The following MDGA2 variants were observed in gnomAD, a reference collection of about 807,000 sequenced individuals.
The protein encoded by MDGA2 is MAM domain containing glycosylphosphatidylinositol anchor 2.
A neutral mutation model predicts 117.8 loss-of-function variants in MDGA2; 40 were observed. The observed-to-expected ratio is 0.34, with a 90% confidence interval of 0.26 to 0.44. MDGA2 has a LOEUF of 0.44. Among genes scored for constraint, MDGA2 ranks in the 20% least tolerant of loss-of-function variants. MDGA2 has a pLI of 1.00. For missense variants in MDGA2, 1,123 were observed against 1,250.6 expected (o/e 0.90, Z 1.54); for synonymous variants, 452 against 439.0 (o/e 1.03, Z -0.37).
chr14:47,235,018 T>C (rs1301879582), intron 2 of MDGA2, among the ~76,000 whole-genome samples: 2 of 152,184 alleles, frequency 1.3e-5, no homozygotes, highest in Non-Finnish European at 2.9e-5. Context: ...GATCAAAATC[T>C]TCATTATCTT....
chr14:47,049,816 T>C (rs1594566591), intron 7 of MDGA2, among the ~76,000 whole-genome samples: 1 of 152,046 alleles, frequency 6.6e-6, no homozygotes, highest in Non-Finnish European at 1.5e-5. Context: ...AGAACACCTA[T>C]AAAATTTGGG....
chr14:47,537,171 T>TGTC (rs1895230226), intron 1 of MDGA2, among the ~76,000 whole-genome samples: 1 of 152,014 alleles, frequency 6.6e-6, no homozygotes, highest in African/African-American at 2.4e-5. Flanking sequence ...TTACAAATTC[T>TGTC]GCCAACTGTC....
chr14:47,127,430 C>T (rs1457217551), intron 5 of MDGA2, among the ~76,000 whole-genome samples: 1 of 152,102 alleles, frequency 6.6e-6, no homozygotes, highest in Non-Finnish European at 1.5e-5. Flanking sequence ...AATTCACAAA[C>T]CCTTCCAACT....
intron 1 of MDGA2, among the ~76,000 whole-genome samples, chr14:47,644,019 A>C (rs775013060): frequency 1.3e-5 from 2 of 152,014 alleles, no homozygotes; most frequent in Non-Finnish European, 2.9e-5. Context: ...GTTTTTCCAC[A>C]GCCAATTTGA....
At chr14:47,085,535 T>C (rs1386235490) in intron 6 of MDGA2, among the ~76,000 whole-genome samples, 1 of 152,140 alleles carries the variant, frequency 6.6e-6, no homozygotes, top group African/African-American at 2.4e-5. Context: ...ATTATATGCA[T>C]TTCTTTCCAA....
chr14:47,334,326 C>A (rs1890379088), intron 1 of MDGA2, among the ~76,000 whole-genome samples: 1 of 151,854 alleles, frequency 6.6e-6, no homozygotes, highest in Admixed American at 6.6e-5. Flanking sequence ...CGTAGGAAAT[C>A]TGCATTTTCA....
intron 9 of MDGA2, among the ~76,000 whole-genome samples, chr14:46,923,451 C>T (rs865863178): frequency 8.6e-5 from 13 of 151,872 alleles, no homozygotes; most frequent in African/African-American, 3.1e-4. Flanking sequence ...AGATCCGTTA[C>T]TTTTTTTACT....
At chr14:47,509,831 T>C (rs985840882) in intron 1 of MDGA2, among the ~76,000 whole-genome samples, 1 of 152,354 alleles carries the variant, frequency 6.6e-6, no homozygotes, top group East Asian at 1.9e-4. Context: ...ATTTCACAGA[T>C]TCACAGCTTG....
At chr14:46,969,933 C>CATATATAT (rs1157465830) in intron 8 of MDGA2, among the ~76,000 whole-genome samples, 54 of 15,208 alleles carry the variant, frequency 3.6e-3, no homozygotes, top group Non-Finnish European at 4.3e-3. Flanking sequence ...TAAAGTATTC[C>CATATATAT]ATATATATAT....
intron 1 of MDGA2, among the ~76,000 whole-genome samples, chr14:47,442,883 T>C (rs1422200334): frequency 1.3e-5 from 2 of 152,184 alleles, no homozygotes; most frequent in Non-Finnish European, 2.9e-5. Flanking sequence ...AATCTTGCAC[T>C]GGAATATGAA....
chr14:47,265,936 G>A (rs1571105), intron 2 of MDGA2, among the ~76,000 whole-genome samples: 129,517 of 152,126 alleles, frequency 0.85, 55,331 homozygotes, highest in East Asian at 0.93. Context: ...CATAATCTCT[G>A]GCCTCCACAA....
intron 1 of MDGA2, among the ~76,000 whole-genome samples, chr14:47,544,312 T>C (rs970252100): frequency 1.3e-5 from 2 of 152,190 alleles, no homozygotes; most frequent in Non-Finnish European, 2.9e-5. Flanking sequence ...TAAGGTAAAA[T>C]ATACAATTTT....
chr14:47,447,471 CTG>C (rs1358028838), intron 1 of MDGA2, among the ~76,000 whole-genome samples: 1 of 152,106 alleles, frequency 6.6e-6, no homozygotes, highest in Non-Finnish European at 1.5e-5. Flanking sequence ...CATACTAATG[CTG>C]TGTTTTCTGT....
intron 6 of MDGA2, among the ~76,000 whole-genome samples, chr14:47,077,643 GA>G (rs954109528): frequency 1.5e-4 from 20 of 135,268 alleles, no homozygotes; most frequent in South Asian, 6.9e-4. Context: ...TGCATCTGCA[GA>G]AAAAAAAAAG....
intron 1 of MDGA2, among the ~76,000 whole-genome samples, chr14:47,651,651 A>G (rs1897647308): frequency 6.6e-6 from 1 of 152,104 alleles, no homozygotes; most frequent in Non-Finnish European, 1.5e-5. Flanking sequence ...AGGAAGGGGT[A>G]CTCACAGGGC....
chr14:47,496,125 A>G (rs1227424425), intron 1 of MDGA2, among the ~76,000 whole-genome samples: 1 of 152,134 alleles, frequency 6.6e-6, no homozygotes, highest in Non-Finnish European at 1.5e-5. Flanking sequence ...TCATATTTTT[A>G]TAATGGACCA....
In MDGA2 at chr14:47,136,195, CTCT is replaced by C. The variant is rs1387694927; in HGVS notation, c.793-4352_793-4350del. ...CCATTATTTCAAGAAAGTGTTTTCTCTCTTTTTTTTTTTTTTTTTTTGAGACAT... is the reference window on the plus strand; with the variant it reads ...CCATTATTTCAAGAAAGTGTTTTCTCTTTTTTTTTTTTTTTTTTGAGACAT... On this transcript the variant is annotated intron_variant, in intron 4 of 16. Coordinates refer to ENST00000399232, the MANE Select transcript of MDGA2 (RefSeq NM_001113498.3). Among the ~76,000 whole-genome samples, 12 of 145,064 alleles carry C rather than the reference CTCT, an allele frequency of 8.3e-5. No homozygotes were observed. In the East Asian group the frequency reaches 1.8e-3, roughly 21 times the overall value.
intron 1 of MDGA2, among the ~76,000 whole-genome samples, chr14:47,603,777 G>A (rs767904351): frequency 7.2e-5 from 11 of 152,148 alleles, no homozygotes; most frequent in African/African-American, 2.7e-4. Context: ...GGCAGGGCCG[G>A]GTGAGGGGTG....
intron 2 of MDGA2, among the ~76,000 whole-genome samples, chr14:47,225,383 T>A (rs1886449212): frequency 6.6e-6 from 1 of 151,740 alleles, no homozygotes; most frequent in Admixed American, 6.6e-5. Flanking sequence ...GCGGCACTAT[T>A]CACAATAGCA....
Sources: gnomAD v4.1 joint callset for allele counts (sites outside exome capture counted in the v4.1 genomes callset) on GRCh38, gnomAD v4.1.1 for gene constraint, MANE v1.5 for transcripts, NCBI Gene and HGNC (gene_info 2026-07-23, HGNC 2026-07-21) for gene names.